The following CDH2 variants were observed in gnomAD, a reference collection of about 807,000 sequenced individuals.
The protein encoded by CDH2 is cadherin 2, also known as cadherin-2.
A neutral mutation model predicts 92.0 loss-of-function variants in CDH2; 17 were observed. The observed-to-expected ratio is 0.18, with a 90% confidence interval of 0.13 to 0.28. The LOEUF (loss-of-function observed/expected upper bound fraction) is 0.28. CDH2 is among the 10% of genes least tolerant of loss of function. The pLI is 1.00. For synonymous variants in CDH2, 419 were observed against 415.9 expected (o/e 1.01, Z -0.09); for missense variants, 862 against 1,133.1 (o/e 0.76, Z 3.44).
At chr18:28,037,069 C>A (rs1057444650) in intron 2 of CDH2, among the ~76,000 whole-genome samples, 1 of 152,084 alleles carries the variant, frequency 6.6e-6, no homozygotes, top group Non-Finnish European at 1.5e-5. Flanking sequence ...CTCAGTAGCA[C>A]TCAAAGTGCT....
chr18:28,084,337 ATTTTGT>A lies in CDH2; in HGVS notation c.172+63330_172+63335del, dbSNP rs1567992007. Among the ~76,000 whole-genome samples, 3 of 152,126 alleles carry A rather than the reference ATTTTGT, an allele frequency of 2.0e-5. No individual in the cohort carries two copies. In the South Asian group the frequency reaches 6.2e-4, roughly 31 times the overall value. On this transcript the variant is annotated intron_variant, in intron 2 of 15. Coordinates refer to ENST00000269141, the MANE Select transcript of CDH2 (RefSeq NM_001792.5). ...TATTTCATGTTATTGTTTCTTTGCT[ATTTTGT>A]TTTTATGAGAATATACAACAGTACA...
At chr18:27,989,384 A>G (rs2012336940) in intron 10 of CDH2, among the ~76,000 whole-genome samples, 1 of 152,216 alleles carries the variant, frequency 6.6e-6, no homozygotes, top group Non-Finnish European at 1.5e-5. Flanking sequence ...TTAACTGGCT[A>G]TTTATTAATA....
intron 15 of CDH2, among the ~76,000 whole-genome samples, chr18:27,953,187 C>T (rs1232615762): frequency 1.3e-5 from 2 of 152,034 alleles, no homozygotes; most frequent in East Asian, 1.9e-4. Context: ...AAGAGGAGGA[C>T]TCCTGTCAAT....
At chr18:27,990,554 G>A (rs2012384584) in intron 9 of CDH2, among the ~76,000 whole-genome samples, 1 of 152,050 alleles carries the variant, frequency 6.6e-6, no homozygotes, top group Admixed American at 6.6e-5. Context: ...TATAAATCTT[G>A]AGTACTTAAA....
intron 2 of CDH2, among the ~76,000 whole-genome samples, chr18:28,040,177 A>G (rs1388469594): frequency 6.6e-6 from 1 of 152,216 alleles, no homozygotes; most frequent in African/African-American, 2.4e-5. Flanking sequence ...AGTGTGTGGC[A>G]TGCTGGGGTC....
At chr18:28,063,042 A>T (rs1944292) in intron 2 of CDH2, among the ~76,000 whole-genome samples, 24,825 of 152,188 alleles carry the variant, frequency 0.16, 2,365 homozygotes, top group East Asian at 0.3. Flanking sequence ...TAGCATTTTT[A>T]AAAAGCAGTA....
intron 2 of CDH2, among the ~76,000 whole-genome samples, chr18:28,038,992 T>C (rs988613950): frequency 6.6e-6 from 1 of 152,200 alleles, no homozygotes; most frequent in Non-Finnish European, 1.5e-5. Flanking sequence ...CAATTTCTTG[T>C]GGACTTAAAA....
At chr18:28,025,399 T>TC (rs1402365376) in intron 2 of CDH2, among the ~76,000 whole-genome samples, 2 of 151,772 alleles carry the variant, frequency 1.3e-5, no homozygotes, top group African/African-American at 2.4e-5. Context: ...ACACCTGTAG[T>TC]CCCAGCTACT....
intron 15 of CDH2, 118 bp downstream of exon 15, chr18:27,963,239 A>G (rs1211606497): frequency 2.4e-6 from 2 of 827,478 alleles, no homozygotes; most frequent in Non-Finnish European, 1.8e-6. Flanking sequence ...AACTTCAGAA[A>G]CACAAGTATG....
chr18:28,084,921 G>C (rs1049967287), intron 2 of CDH2, among the ~76,000 whole-genome samples: 1 of 152,002 alleles, frequency 6.6e-6, no homozygotes, highest in Non-Finnish European at 1.5e-5. Context: ...TCATCACTAG[G>C]CTCTGGACCA....
chr18:27,955,381 A>G (rs1485275673), intron 15 of CDH2, among the ~76,000 whole-genome samples: 18 of 88,072 alleles, frequency 2.0e-4, no homozygotes, highest in Non-Finnish European at 4.6e-4. Flanking sequence ...AAAAAAAAAA[A>G]AAAAGAAAAA....
intron 6 of CDH2, among the ~76,000 whole-genome samples, chr18:27,939,038 T>A (rs1400513491): frequency 2.6e-5 from 4 of 152,224 alleles, no homozygotes; most frequent in Non-Finnish European, 5.9e-5. Flanking sequence ...TTGTGGGCCT[T>A]CTGGATCAGA....
At chr18:28,093,901 G>A (rs1205735222) in intron 2 of CDH2, among the ~76,000 whole-genome samples, 1 of 152,142 alleles carries the variant, frequency 6.6e-6, no homozygotes, top group Non-Finnish European at 1.5e-5. Flanking sequence ...GGCATGTTTG[G>A]AGGTCTACAC....
intron 13 of CDH2, among the ~76,000 whole-genome samples, chr18:27,984,558 C>A (rs1237904970): frequency 1.3e-5 from 2 of 152,150 alleles, no homozygotes; most frequent in South Asian, 4.1e-4. Flanking sequence ...CCTTGATCCT[C>A]GCATGACTGG....
chr18:28,019,080 G>C (rs2013335489), intron 2 of CDH2, among the ~76,000 whole-genome samples: 1 of 151,956 alleles, frequency 6.6e-6, no homozygotes, highest in Non-Finnish European at 1.5e-5. Context: ...TCGCTCATAA[G>C]TGGGAGCTAA....
intron 2 of CDH2, among the ~76,000 whole-genome samples, chr18:28,082,104 A>T (rs1599086199): frequency 6.6e-6 from 1 of 152,310 alleles, no homozygotes; most frequent in South Asian, 2.1e-4. Context: ...TAAGGATCAC[A>T]GTCAATTTAG....
intron 2 of CDH2, among the ~76,000 whole-genome samples, chr18:28,065,936 A>G (rs931767340): frequency 1.3e-5 from 2 of 152,312 alleles, no homozygotes; most frequent in South Asian, 4.1e-4. Context: ...TTATCCACCC[A>G]GATATGTACC....
chr18:27,946,141 T>C (rs963565691), downstream of CDH2, among the ~76,000 whole-genome samples: 2 of 152,138 alleles, frequency 1.3e-5, no homozygotes, highest in African/African-American at 2.4e-5. Context: ...AAAAAGCTCA[T>C]GGGAAATGTT....
chr18:28,161,910 C>T (rs1349658711), intron 1 of CDH2, among the ~76,000 whole-genome samples: 1 of 152,150 alleles, frequency 6.6e-6, no homozygotes, highest in East Asian at 1.9e-4. Context: ...GCCACGCCAC[C>T]TATGTCATGC....
Sources: allele counts gnomAD v4.1 joint callset (sites outside exome capture counted in the v4.1 genomes callset), GRCh38; gene constraint gnomAD v4.1.1; transcripts MANE v1.5; gene names NCBI Gene and HGNC (gene_info 2026-07-23, HGNC 2026-07-21).